Variants in CRYBG3 observed in about 807,000 individuals in gnomAD.
The protein encoded by CRYBG3 is very large A-kinase anchor protein.
CRYBG3 carries 127 observed loss-of-function variants against 244.2 expected under a neutral mutation model. That is an observed-to-expected ratio of 0.52 (90% CI 0.45 to 0.60). CRYBG3 has a LOEUF of 0.60. Ranked by LOEUF, CRYBG3 falls within the 20% of genes least tolerant of loss-of-function variation. CRYBG3 has a pLI of 0.00. For synonymous variants in CRYBG3, 1,132 were observed against 1,195.8 expected, an observed-to-expected ratio of 0.95 and a Z score of 1.10; for missense variants, 3,325 against 3,442.5, an observed-to-expected ratio of 0.97 and a Z score of 0.85.
At chr3:97,911,167 A>C (rs1054079710) in intron 15 of CRYBG3, among the ~76,000 whole-genome samples, 1 of 152,162 alleles carries the variant, frequency 6.6e-6, no homozygotes, top group Non-Finnish European at 1.5e-5. Flanking sequence ...TTCTAAGTAG[A>C]GGCCTTTGGG....
Position 97,827,101 on chromosome 3 carries a change from T to G in CRYBG3, c.149+4746T>G, listed in dbSNP as rs147872437. Among the ~76,000 whole-genome samples the G allele has an allele frequency of 5.9e-5, 9 of 152,324 alleles. 1 individual carries two copies. The highest frequency in any genetic ancestry group is 2.2e-4 in the African/African-American group (9 of 41,570). On this transcript the variant is annotated intron_variant, in intron 1 of 21. Transcript: ENST00000389622. ...TTCCTCTTGCTTTCCTCCTTGACCC[T>G]TCAGGCTTTGCAAGTCCTGGATAGA...
At chr3:97,846,085 A>G (rs964443322) in intron 2 of CRYBG3, among the ~76,000 whole-genome samples, 1 of 152,210 alleles carries the variant, frequency 6.6e-6, no homozygotes, top group African/African-American at 2.4e-5. Context: ...CCATGAAACC[A>G]GTTACATTCA....
rs2039395679 is a variant in CRYBG3, at chr3:97,877,592, G to A, written c.6398G>A (p.Arg2133His). ...VLSLLQSVSE[R>H]LKMNFDEDDR... ...TCCCTTCTCCAGTCAGTGTCAGAAC[G>A]TTTAAAGATGAATTTTGATGAAGAT... is the stretch of plus-strand genomic sequence containing the variant. The change falls in exon 4 of 22, where the codon CGT (arginine) becomes CAT (histidine). Residue 2133 changes from arginine to histidine, a missense_variant. Transcript: ENST00000389622. 3 of 1,613,944 alleles carry A rather than the reference G, an allele frequency of 1.9e-6. No homozygotes were observed. Among genetic ancestry groups the A allele is most frequent in the African/African-American group, 1.3e-5 (1 of 74,892 alleles).
chr3:97,888,354 C>T lies in CRYBG3; in HGVS notation c.7303C>T (p.Pro2435Ser). Residue 2435 changes from proline to serine, a missense_variant, in exon 9 of 22, where the codon CCA (proline) becomes TCA (serine). Pro to Ser is a moderately conservative substitution (Grantham distance 74). This residue lies in a region of CRYBG3 where 714 missense variants were observed against 803.6 expected (regional missense o/e 0.89). Transcript: ENST00000389622. ...TVKSGVWLAY[P>S]DINFKGQATV... ...ATTTTTATATAGTTGGCTTGCCTAC[C>T]CAGATATTAATTTTAAGGGACAAGC... 1 of 1,605,752 alleles carries T rather than the reference C, an allele frequency of 6.2e-7. No individual in the cohort carries two copies. The highest frequency in any genetic ancestry group is 1.7e-5 in the Admixed American group (1 of 59,638).
rs1424090929 is a variant in CRYBG3, at chr3:97,876,915, A to G, written c.5721A>G (p.Thr1907=). The G allele has an allele frequency of 4.1e-6, 6 of 1,456,528 alleles. No homozygotes were observed. Among genetic ancestry groups the G allele is most frequent in the Middle Eastern group, 2.6e-4 (1 of 3,918 alleles). The allele number at this position is 1,456,528 out of a possible 1,614,324, so 90.2% of individuals were successfully genotyped here. A position where few individuals can be genotyped will look rare whatever the true frequency, so the allele number is the denominator to read the frequency against. The change falls in exon 4 of 22, where the codon ACA becomes ACG. Residue 1907 remains threonine (T), a synonymous_variant. Coordinates refer to ENST00000389622, the MANE Select transcript of CRYBG3 (RefSeq NM_153605.4). ...QEYAEGSVEE[T]KEEPTEIKEG... is the part of the protein sequence containing the mutation. ...ATGCTGAAGGGAGTGTTGAAGAAAC[A>G]AAGGAAGAGCCTACAGAAATAAAGG...
At chr3:97,940,205 C>G (rs1030851001) in intron 19 of CRYBG3, among the ~76,000 whole-genome samples, 1 of 151,934 alleles carries the variant, frequency 6.6e-6, no homozygotes, top group Non-Finnish European at 1.5e-5. Flanking sequence ...GTTGTGCTTC[C>G]ATTATGTGCC....
rs764944178 is a variant in CRYBG3 at position 97,881,184 on chromosome 3, A to G, written c.7117A>G (p.Asn2373Asp). 6.2e-6 allele frequency: 10 copies of G among 1,610,514 alleles called. No individual in the cohort carries two copies. Among genetic ancestry groups the G allele is most frequent in the African/African-American group, 1.3e-5 (1 of 74,930 alleles). ...TCAGAACAGAAGGCATCCACAAAGA[A>G]ACTTTATATTGGGTTCTCTCAAACG... ...ILQNRRHPQR[N>D]FILGSLKRVL... Residue 2373 changes from asparagine to aspartate, a missense_variant, in exon 7 of 22, where the codon AAC (asparagine) becomes GAC (aspartate). Physicochemically the swap from Asn to Asp is conservative, Grantham distance 23. Coordinates refer to ENST00000389622, the MANE Select transcript of CRYBG3 (RefSeq NM_153605.4).
chr3:97,873,923 A>C lies in CRYBG3; in HGVS notation c.2729A>C (p.Glu910Ala), dbSNP rs2039337048. Residue 910 changes from glutamate (E) to alanine (A), a missense_variant, in exon 4 of 22, where the codon GAG becomes GCG. Around this residue, in one of 4 missense-constraint regions of CRYBG3, gnomAD observed 1,526 missense variants for 1,443.2 expected, o/e 1.06. Transcript: ENST00000389622. ...GGCCTTAAAGAGAATTGCCAAGCTG[A>C]GCTTTCTCCTGCTGCCTCCAAATAT... The part of the protein sequence containing the change: ...DAGLKENCQA[E>A]LSPAASKYED... 6.5e-7 allele frequency: 1 copy of C among 1,535,860 alleles called. No individual in the cohort carries two copies. Among genetic ancestry groups the C allele is most frequent in the Non-Finnish European group, 8.7e-7 (1 of 1,146,860 alleles).
chr3:97,904,935 G>T (rs1365393914), intron 15 of CRYBG3, among the ~76,000 whole-genome samples: 1 of 131,114 alleles, frequency 7.6e-6, no homozygotes, highest in Non-Finnish European at 1.5e-5. Flanking sequence ...TCCCCTTCCT[G>T]TGTCCATGTG....
chr3:97,942,358 T>C lies in CRYBG3; in HGVS notation c.8739T>C (p.His2913=). The change falls in exon 21 of 22, where the codon CAT becomes CAC. Residue 2913 remains histidine (H), a synonymous_variant. Coordinates refer to ENST00000389622, the MANE Select transcript of CRYBG3 (RefSeq NM_153605.4). ...PGAKVALWTE[H]GQFRQKWRLN... ...CTAAAGTAGCTCTATGGACTGAACA[T>C]GGGCAATTCAGGCAGAAGTGGAGAC... 3.7e-6 allele frequency: 6 copies of C among 1,611,978 alleles called. No homozygotes were observed. The highest frequency in any genetic ancestry group is 5.1e-6 in the Non-Finnish European group (6 of 1,178,628).
chr3:97,934,945 T>TGG (rs1409834189), intron 18 of CRYBG3, among the ~76,000 whole-genome samples: 1 of 152,100 alleles, frequency 6.6e-6, no homozygotes, highest in Non-Finnish European at 1.5e-5. Context: ...TCTGGAACAC[T>TGG]GGTGCCATTT....
At chr3:97,891,341 G>A in intron 10 of CRYBG3, among the ~76,000 whole-genome samples, 1 of 152,110 alleles carries the variant, frequency 6.6e-6, no homozygotes, top group Non-Finnish European at 1.5e-5. Flanking sequence ...TCACACTCAA[G>A]TATATTATTG....
intron 15 of CRYBG3, among the ~76,000 whole-genome samples, chr3:97,907,607 T>C (rs1436186723): frequency 6.8e-6 from 1 of 147,928 alleles, no homozygotes; most frequent in African/African-American, 2.5e-5. Context: ...CTTTATCATT[T>C]TTTATTGCGT....
At chr3:97,888,601 G>A in intron 9 of CRYBG3, 146 bp downstream of exon 9, 2 of 648,190 alleles carry the variant, frequency 3.1e-6, no homozygotes, top group South Asian at 1.8e-5. Flanking sequence ...AGTGCCTTCA[G>A]TATTTACAGT....
intron 1 of CRYBG3, among the ~76,000 whole-genome samples, chr3:97,835,674 T>C (rs1436536666): frequency 2.0e-5 from 3 of 152,242 alleles, no homozygotes; most frequent in African/African-American, 7.2e-5. Flanking sequence ...ATTATCTGTT[T>C]ATCTGTGTCT....
At chr3:97,829,124 G>GAA (rs576064244) in intron 1 of CRYBG3, among the ~76,000 whole-genome samples, 1 of 149,048 alleles carries the variant, frequency 6.7e-6, no homozygotes, top group African/African-American at 2.5e-5. Flanking sequence ...CTAAAAGAAG[G>GAA]AAAAAAAAAG....
At chr3:97,895,274 T>G (rs141243650) in intron 11 of CRYBG3, among the ~76,000 whole-genome samples, 1 of 152,296 alleles carries the variant, frequency 6.6e-6, no homozygotes, top group Non-Finnish European at 1.5e-5. Flanking sequence ...AAGGTAAGTT[T>G]TATGGAGGAG....
intron 10 of CRYBG3, 68 bp downstream of exon 10, chr3:97,889,458 T>G: frequency 7.7e-7 from 1 of 1,298,476 alleles, no homozygotes; most frequent in Non-Finnish European, 1.1e-6. Flanking sequence ...CCAATAATTT[T>G]GAAACATTGG....
chr3:97,941,543 A>G (rs1055418363), intron 20 of CRYBG3, among the ~76,000 whole-genome samples: 4 of 151,968 alleles, frequency 2.6e-5, no homozygotes, highest in Non-Finnish European at 4.4e-5. Context: ...CATATTATGG[A>G]TATACCTAAG....
Sources: gnomAD v4.1 joint callset for allele counts (sites outside exome capture counted in the v4.1 genomes callset) on GRCh38, gnomAD v4.1.1 for gene constraint, gnomAD v4.1.1 regional missense constraint, MANE v1.5 for transcripts, NCBI Gene and HGNC (gene_info 2026-07-23, HGNC 2026-07-21) for gene names.